CFAP251: variants seen among roughly 807,000 people sequenced by gnomAD.
The protein encoded by CFAP251 is cilia- and flagella-associated protein 251.
In CFAP251, 93 loss-of-function variants were observed where a neutral mutation model predicts 126.7. The observed-to-expected ratio is 0.73, with a 90% CI of 0.62 to 0.87. The LOEUF (loss-of-function observed/expected upper bound fraction) is 0.87, where lower values mean the gene tolerates loss of function less well. Among genes scored for constraint, CFAP251 ranks in the 40% least tolerant of loss-of-function variants. CFAP251 has a pLI of 0.00. For synonymous variants in CFAP251, 503 were observed against 506.9 expected, an observed-to-expected ratio of 0.99 and a Z score of 0.10; for missense variants, 1,287 against 1,389.2, an observed-to-expected ratio of 0.93 and a Z score of 1.17.
At chr12:121,936,276 T>C (rs1200492371) in intron 5 of CFAP251, among the ~76,000 whole-genome samples, 1 of 152,152 alleles carries the variant, frequency 6.6e-6, no homozygotes, top group Non-Finnish European at 1.5e-5. Context: ...AGTGAGACTC[T>C]GTCTCTACAA....
chr12:121,985,273 C>A lies in CFAP251; in HGVS notation c.3006+9588C>A, dbSNP rs143525997. Among the ~76,000 whole-genome samples the A allele has an allele frequency of 1.5e-4, 23 of 152,208 alleles. No individual in the cohort carries two copies. The East Asian group carries it at 4.4e-3, about 29-fold the overall frequency. On this transcript the variant is annotated intron_variant, in intron 19 of 21. Transcript: ENST00000288912. The stretch of plus-strand genomic sequence containing the variant: ...TCCTGGCCAGGCGCGGAGGCTCACG[C>A]CTGTAATCCCAGCACTTTGGGAGGC...
chr12:121,923,899 C>A lies in CFAP251; in HGVS notation c.656C>A (p.Ser219Tyr), dbSNP rs765520190. 6.2e-7 allele frequency: 1 copy of A among 1,613,982 alleles called. No homozygotes were observed. The highest frequency in any genetic ancestry group is 1.3e-5 in the African/African-American group (1 of 74,900). ...GAAAGGAGAGTATCCGACATCCAGT[C>A]CAAAGCAGGGATCTCCCGGGAGTCA... The part of the protein sequence containing the change: ...GQERRVSDIQ[S>Y]KAGISRESLV... The change falls in exon 3 of 22, where the codon TCC becomes TAC. Residue 219 changes from serine to tyrosine, a missense_variant. By Grantham distance (144) the Ser-to-Tyr change is moderately radical. Transcript: ENST00000288912.
At chr12:121,928,824 G>A (rs1880562777) in intron 3 of CFAP251, among the ~76,000 whole-genome samples, 1 of 151,476 alleles carries the variant, frequency 6.6e-6, no homozygotes, top group Admixed American at 6.6e-5. Flanking sequence ...AGCCTCCTGA[G>A]TAGATGGGAT....
intron 3 of CFAP251, among the ~76,000 whole-genome samples, chr12:121,925,128 ACCAT>A (rs1880360521): frequency 6.6e-6 from 1 of 151,768 alleles, no homozygotes; most frequent in South Asian, 2.1e-4. Flanking sequence ...TGACCCCAAA[ACCAT>A]CCATTCCAAG....
Position 121,949,044 on chromosome 12 carries a change from G to T in CFAP251, c.1252G>T (p.Ala418Ser), listed in dbSNP as rs747954145. The T allele has an allele frequency of 1.3e-6, 2 of 1,586,246 alleles. No homozygotes were observed. Among genetic ancestry groups the T allele is most frequent in the Non-Finnish European group, 8.6e-7 (1 of 1,166,006 alleles). The stretch of plus-strand genomic sequence containing the variant: ...ATTGGTGAGCAATAGTAAAACACGG[G>T]CAATATATTATGCATGGGTAAGCAG... ...KELVSNSKTR[A>S]IYYAWYEERD... Residue 418 changes from alanine (A) to serine (S), a missense_variant, in exon 8 of 22, where the codon GCA (alanine) becomes TCA (serine). Ala to Ser is a moderately conservative substitution (Grantham distance 99). Coordinates refer to ENST00000288912, the MANE Select transcript of CFAP251 (RefSeq NM_144668.6).
In CFAP251 at chr12:121,931,879, A is replaced by G. The variant is rs769844840; in HGVS notation, c.881A>G (p.His294Arg). 36 of 1,557,466 alleles carry G rather than the reference A, an allele frequency of 2.3e-5. No homozygotes were observed. The highest frequency in any genetic ancestry group is 2.6e-6 in the Non-Finnish European group (3 of 1,154,668). ...AACGTGTTCAGGAACAATCAATACC[A>G]CCTTCAGGTATGCAGGGATTTCCTT... Reference protein sequence around the residue: ...IYNVFRNNQYHLQGHANIISC... With the variant: ...IYNVFRNNQYRLQGHANIISC... Residue 294 changes from histidine to arginine, a missense_variant, in exon 4 of 22, where the codon CAC (histidine) becomes CGC (arginine). Physicochemically the swap from His to Arg is conservative, Grantham distance 29. Transcript: ENST00000288912.
chr12:121,959,279 C>A (rs573540310), intron 13 of CFAP251, 185 bp downstream of exon 13: 1 of 587,156 alleles, frequency 1.7e-6, no homozygotes, highest in Admixed American at 3.3e-5. Context: ...GCTACAAAAA[C>A]ACTTTTTAAA....
chr12:121,988,071 A>G (rs888124604), intron 19 of CFAP251, among the ~76,000 whole-genome samples: 8 of 151,910 alleles, frequency 5.3e-5, no homozygotes, highest in Admixed American at 4.6e-4. Flanking sequence ...GGTAGATCAC[A>G]ATGATGGTGG....
At chr12:121,971,449 G>A (rs1488136882) in intron 17 of CFAP251, 2 of 687,108 alleles carry the variant, frequency 2.9e-6, no homozygotes, top group East Asian at 5.4e-5. Flanking sequence ...GGAGTGTGCT[G>A]ATACCCATTT....
At chr12:121,954,068 CTTTG>C in intron 9 of CFAP251, 48 bp from the exon 10 acceptor site, 1 of 1,460,930 alleles carries the variant, frequency 6.8e-7, no homozygotes. Context: ...TTGATAAATG[CTTTG>C]TTTTATATTT....
Position 121,923,616 on chromosome 12 carries a change from T to G in CFAP251, c.379-6T>G, listed in dbSNP as rs925581757. The G allele has an allele frequency of 6.3e-7, 1 of 1,591,916 alleles. No homozygotes were observed. The highest frequency in any genetic ancestry group is 1.4e-5 in the African/African-American group (1 of 73,404). On this transcript the variant is annotated splice_region_variant and splice_polypyrimidine_tract_variant and intron_variant, in intron 2 of 21. Coordinates refer to ENST00000288912, the MANE Select transcript of CFAP251 (RefSeq NM_144668.6). The stretch of plus-strand genomic sequence containing the variant: ...TGGAATCATGATATTTTATTTCTTT[T>G]TAAAGAAAACCCAAAGAGGTAGCAA...
intron 5 of CFAP251, among the ~76,000 whole-genome samples, chr12:121,940,300 G>A (rs895958): frequency 0.88 from 134,126 of 152,142 alleles, 59,303 homozygotes; most frequent in African/African-American, 0.95. Context: ...CTCCAGGGAT[G>A]AGATACATTT....
intron 3 of CFAP251, among the ~76,000 whole-genome samples, 182 bp downstream of exon 3, chr12:121,924,172 C>G (rs577683138): frequency 6.6e-6 from 1 of 152,024 alleles, no homozygotes; most frequent in African/African-American, 2.4e-5. Context: ...TGCAGTGGCA[C>G]GATCTTGGCT....
intron 7 of CFAP251, among the ~76,000 whole-genome samples, chr12:121,945,136 G>A (rs183103709): frequency 6.6e-6 from 1 of 151,984 alleles, no homozygotes; most frequent in Admixed American, 6.6e-5. Flanking sequence ...TATTCCCAAG[G>A]CCATTTACTT....
At chr12:121,924,102 C>A in intron 3 of CFAP251, 112 bp downstream of exon 3, 2 of 1,297,722 alleles carry the variant, frequency 1.5e-6, no homozygotes, top group Non-Finnish European at 2.1e-6. Flanking sequence ...ACTTTTTAAA[C>A]TAATAATAGA....
At position 122,003,686 on chromosome 12, in the gene CFAP251, C is replaced by T. The variant is rs200811312; in HGVS notation, c.3372C>T (p.Asp1124=). Residue 1124 remains aspartate (D), a synonymous_variant, in exon 22 of 22, where the codon GAC becomes GAT. Transcript: ENST00000288912. Reference sequence around the variant, plus strand: ...TTTGCCTTGAAGAAGAACTTCCAGACGAAATCACTGCAGAAATATTCGCGA... The same window carrying T: ...TTTGCCTTGAAGAAGAACTTCCAGATGAAATCACTGCAGAAATATTCGCGA... ...SEICLEEELP[D]EITAEIFATE... 385 of 1,610,490 alleles carry T rather than the reference C, an allele frequency of 2.4e-4. 4 individuals are homozygous for T. The highest frequency in any genetic ancestry group is 1.3e-4 in the East Asian group (6 of 44,772).
intron 19 of CFAP251, among the ~76,000 whole-genome samples, chr12:121,976,418 C>T (rs1466890615): frequency 2.0e-5 from 3 of 152,056 alleles, no homozygotes; most frequent in African/African-American, 2.4e-5. Context: ...TTGTTAGTCT[C>T]GCTGTCTAGT....
chr12:121,974,867 G>A lies in CFAP251; in HGVS notation c.2772-377G>A, dbSNP rs545746537. On this transcript the variant is annotated intron_variant, in intron 17 of 21. Coordinates refer to ENST00000288912, the MANE Select transcript of CFAP251 (RefSeq NM_144668.6). This position sits in a 1 kb window ranked among gnomAD's most constrained non-coding sequence, Gnocchi z 4.6. Reference sequence around the variant, plus strand: ...CCCATTCTTTTGACTCTGATCGTTCGTGGATCTAAAGTTACGGGTAAGGCT... The same window carrying A: ...CCCATTCTTTTGACTCTGATCGTTCATGGATCTAAAGTTACGGGTAAGGCT... Among the ~76,000 whole-genome samples the A allele has an allele frequency of 1.3e-4, 20 of 152,208 alleles. No individual in the cohort carries two copies. Among genetic ancestry groups the A allele is most frequent in the Admixed American group, 3.3e-4 (5 of 15,272 alleles).
At chr12:121,949,913 A>C (rs188733443) in intron 8 of CFAP251, 1 of 152,310 alleles carries the variant, frequency 6.6e-6, no homozygotes, top group East Asian at 1.9e-4. Context: ...AAAACACAAC[A>C]AAACAAAAAA....
Sources: gnomAD v4.1 joint callset for allele counts (sites outside exome capture counted in the v4.1 genomes callset) on GRCh38, gnomAD v4.1.1 for gene constraint, Gnocchi (gnomAD v3.1) non-coding constraint, MANE v1.5 for transcripts, NCBI Gene and HGNC (gene_info 2026-07-23, HGNC 2026-07-21) for gene names.